The following ARHGEF4 variants were observed in gnomAD, a reference collection of about 807,000 sequenced individuals.
The protein encoded by ARHGEF4 is APC-stimulated guanine nucleotide exchange factor 1.
ARHGEF4 carries 119 observed loss-of-function variants against 162.0 expected under a neutral mutation model. The observed-to-expected ratio is 0.73, with a 90% CI of 0.63 to 0.86. ARHGEF4 has a LOEUF of 0.86. Ranked by LOEUF, ARHGEF4 falls within the 40% of genes least tolerant of loss-of-function variation. The pLI, the probability that ARHGEF4 is intolerant of heterozygous loss-of-function variation, is 0.00. For synonymous variants in ARHGEF4, 1,014 were observed against 979.9 expected (o/e 1.03, Z -0.65); for missense variants, 2,488 against 2,456.0 (o/e 1.01, Z -0.28).
At position 130,888,433 on chromosome 2, in the gene ARHGEF4, T is replaced by C. The variant is rs369968150; in HGVS notation, c.40-25553T>C. 3.4e-4 allele frequency among the ~76,000 whole-genome samples: 51 copies of C among 151,988 alleles called. 1 individual carries two copies. Among genetic ancestry groups the C allele is most frequent in the African/African-American group, 1.2e-3 (50 of 41,354 alleles). On this transcript the variant is annotated intron_variant, in intron 1 of 13. Coordinates refer to ENST00000409359, the MANE Select transcript of ARHGEF4 (RefSeq NM_001367493.1). Reference sequence around the variant, plus strand: ...TTGCAGTGAACCGAGATCACACCATTGCACTCCAGCCTGGCTGAGCGAGAC... The same window carrying C: ...TTGCAGTGAACCGAGATCACACCATCGCACTCCAGCCTGGCTGAGCGAGAC...
chr2:130,875,644 A>G (rs1411794601), intron 1 of ARHGEF4, among the ~76,000 whole-genome samples: 2 of 152,158 alleles, frequency 1.3e-5, no homozygotes, highest in Middle Eastern at 3.2e-3. Context: ...AATCCCCCCG[A>G]TGATCAAATC....
chr2:130,882,967 A>C (rs1471962724), intron 1 of ARHGEF4, among the ~76,000 whole-genome samples: 1 of 151,950 alleles, frequency 6.6e-6, no homozygotes, highest in Non-Finnish European at 1.5e-5. Context: ...TGTCTGTTTA[A>C]AAAGACTTCT....
intron 5 of ARHGEF4, among the ~76,000 whole-genome samples, 168 bp from the exon 6 acceptor site, chr2:131,038,684 AG>A (rs1228003422): frequency 6.6e-6 from 1 of 152,212 alleles, no homozygotes; most frequent in Non-Finnish European, 1.5e-5. Context: ...CCCAGAACAT[AG>A]CCCCTGCCCC....
intron 3 of ARHGEF4, among the ~76,000 whole-genome samples, chr2:130,933,138 C>G (rs1198877245): frequency 1.3e-5 from 2 of 151,704 alleles, no homozygotes; most frequent in Non-Finnish European, 2.9e-5. Context: ...TCACTTGAAC[C>G]TGGGAGGCAG....
chr2:130,927,385 G>T (rs1290433795), intron 2 of ARHGEF4, among the ~76,000 whole-genome samples: 1 of 152,164 alleles, frequency 6.6e-6, no homozygotes, highest in African/African-American at 2.4e-5. Flanking sequence ...ACACTGGCAG[G>T]GGAAGAAAGT....
At chr2:131,044,191 G>A in intron 11 of ARHGEF4, 108 bp from the exon 12 acceptor site, 3 of 1,476,090 alleles carry the variant, frequency 2.0e-6, no homozygotes, top group Non-Finnish European at 2.7e-6. Context: ...TGGGGAGGTG[G>A]AGGCATCACC....
At chr2:130,874,575 C>T (rs1404338427) in intron 1 of ARHGEF4, among the ~76,000 whole-genome samples, 1 of 152,170 alleles carries the variant, frequency 6.6e-6, no homozygotes, top group South Asian at 2.1e-4. Flanking sequence ...TTAAGTTAAA[C>T]TTTTTAAGGA....
chr2:131,001,364 T>C (rs1687758891), intron 4 of ARHGEF4, among the ~76,000 whole-genome samples: 2 of 132,182 alleles, frequency 1.5e-5, no homozygotes, highest in African/African-American at 5.9e-5. Context: ...GGAAGACGGA[T>C]AACATAACAC....
At position 131,039,869 on chromosome 2, in the gene ARHGEF4, G is replaced by C. The variant is rs1690627382; in HGVS notation, c.4306-147G>C. Reference sequence around the variant, plus strand: ...GTCCAGGACTTGCGTGGGTGGCGTGGTGGGGGGAGCTGGCCGGCCAGTCCT... The same window carrying C: ...GTCCAGGACTTGCGTGGGTGGCGTGCTGGGGGGAGCTGGCCGGCCAGTCCT... On this transcript the variant is annotated intron_variant, in intron 6 of 13. Transcript: ENST00000409359. 2.1e-6 allele frequency: 3 copies of C among 1,429,556 alleles called. No individual in the cohort carries two copies. The Admixed American group carries it at 8.9e-5, about 42-fold the overall frequency. 88.6% of individuals were successfully genotyped at this position (1,429,556 alleles called of 1,614,324 possible). A position where few individuals can be genotyped will look rare whatever the true frequency, so the allele number is the denominator to read the frequency against.
intron 4 of ARHGEF4, among the ~76,000 whole-genome samples, chr2:130,956,789 A>G (rs1232976976): frequency 8.0e-6 from 1 of 125,758 alleles, no homozygotes; most frequent in Non-Finnish European, 1.6e-5. Flanking sequence ...GGACACAGGA[A>G]GGGGAACATC....
At chr2:130,991,520 G>C (rs1232769994) in intron 4 of ARHGEF4, among the ~76,000 whole-genome samples, 1 of 152,182 alleles carries the variant, frequency 6.6e-6, no homozygotes, top group Non-Finnish European at 1.5e-5. Flanking sequence ...GCGTGGGCTT[G>C]GCGGGCCCGG....
chr2:130,855,359 C>A (rs1003284620), intron 1 of ARHGEF4, among the ~76,000 whole-genome samples: 1 of 152,044 alleles, frequency 6.6e-6, no homozygotes, highest in African/African-American at 2.4e-5. Context: ...GAGTGTAACT[C>A]TGAAAAGCTG....
chr2:131,040,129 C>A lies in ARHGEF4; in HGVS notation c.4419C>A (p.Asn1473Lys). ...GCAGCAAGGACCAGATGCGGACCAA[C>A]GTCATCAACGAGATCCTCAGCACTG... The part of the protein sequence containing the change: ...AQSSKDQMRT[N>K]VINEILSTER... Residue 1473 changes from asparagine to lysine, a missense_variant, in exon 7 of 14, where the codon AAC becomes AAA. Asn to Lys is a moderately conservative substitution (Grantham distance 94). This residue lies in a region of ARHGEF4 where 174 missense variants were observed against 148.3 expected (regional missense o/e 1.17). Transcript: ENST00000409359. 1.9e-6 allele frequency: 3 copies of A among 1,613,298 alleles called. No individual in the cohort carries two copies. The highest frequency in any genetic ancestry group is 2.5e-6 in the Non-Finnish European group (3 of 1,179,736).
At chr2:130,984,903 A>G (rs1280164825) in intron 4 of ARHGEF4, among the ~76,000 whole-genome samples, 1 of 151,974 alleles carries the variant, frequency 6.6e-6, no homozygotes, top group East Asian at 1.9e-4. Context: ...AATTGAGAGG[A>G]GCTGATCCTG....
chr2:130,908,725 G>A (rs77320359), intron 1 of ARHGEF4, among the ~76,000 whole-genome samples: 5,094 of 152,072 alleles, frequency 0.033, 274 homozygotes, highest in African/African-American at 0.11. Context: ...TCTTTAAAAG[G>A]CCTTGGTAAT....
rs1038366458 is a variant in ARHGEF4, at chr2:130,916,233, C to G, written c.2287C>G (p.Arg763Gly). 1.4e-5 allele frequency: 22 copies of G among 1,533,280 alleles called. No individual in the cohort carries two copies. The African/African-American group carries it at 2.8e-4, about 19-fold the overall frequency. 95.0% of individuals were successfully genotyped at this position (1,533,280 alleles called of 1,614,324 possible). The stretch of plus-strand genomic sequence containing the variant: ...CCCCGAAGGCGGTGCTGCAGCAGCC[C>G]GGGGCCAGCGCCCCCGCGTCCCCGC... ...EAPEGGAAAA[R>G]GQRPRVPALE... Residue 763 changes from arginine (R) to glycine (G), a missense_variant, in exon 2 of 14, where the codon CGG (arginine) becomes GGG (glycine). Transcript: ENST00000409359.
intron 3 of ARHGEF4, among the ~76,000 whole-genome samples, chr2:130,938,966 C>T (rs1256017729): frequency 1.3e-5 from 2 of 152,084 alleles, no homozygotes; most frequent in African/African-American, 2.4e-5. Context: ...AGGTAAATTG[C>T]GTGTTGCAAG....
At chr2:130,999,367 A>G (rs1024184694) in intron 4 of ARHGEF4, among the ~76,000 whole-genome samples, 8 of 152,008 alleles carry the variant, frequency 5.3e-5, no homozygotes, top group South Asian at 2.1e-4. Context: ...CATGTTAGCC[A>G]GGATGGTCTC....
intron 4 of ARHGEF4, among the ~76,000 whole-genome samples, chr2:131,001,289 T>C (rs1687741030): frequency 1.8e-5 from 2 of 112,660 alleles, no homozygotes; most frequent in African/African-American, 3.7e-5. Context: ...GGCGACAGAG[T>C]GAGACTGTGT....
Sources: gnomAD v4.1 joint callset for allele counts (sites outside exome capture counted in the v4.1 genomes callset) on GRCh38, gnomAD v4.1.1 for gene constraint, gnomAD v4.1.1 regional missense constraint, MANE v1.5 for transcripts, NCBI Gene and HGNC (gene_info 2026-07-23, HGNC 2026-07-21) for gene names.